SH2D4A: variants seen among roughly 807,000 people sequenced by gnomAD.
SH2D4A encodes the protein SH2 domain-containing protein 4A.
A neutral mutation model predicts 64.7 loss-of-function variants in SH2D4A; 70 were observed. The observed-to-expected ratio is 1.08, with a 90% CI of 0.89 to 1.32. The LOEUF is 1.32. Ranked by LOEUF, SH2D4A falls within the 40% of genes most tolerant of loss-of-function variation. SH2D4A has a pLI of 0.00. For synonymous variants in SH2D4A, 268 were observed against 200.7 expected (o/e 1.34, Z -2.83); for missense variants, 706 against 540.1 (o/e 1.31, Z -3.04).
chr8:19,333,712 G>A, intron 3 of SH2D4A, among the ~76,000 whole-genome samples: 1 of 152,150 alleles, frequency 6.6e-6, no homozygotes, highest in East Asian at 1.9e-4. Flanking sequence ...GCTGTGATTT[G>A]TGCTATAATT....
chr8:19,329,148 C>T (rs1243914793), intron 2 of SH2D4A, among the ~76,000 whole-genome samples: 5 of 152,146 alleles, frequency 3.3e-5, no homozygotes, highest in South Asian at 2.1e-4. Context: ...TTGCATCCAG[C>T]GTCAAACACA....
At chr8:19,382,823 C>CTTTTT (rs1159245319) in intron 8 of SH2D4A, among the ~76,000 whole-genome samples, 97 of 64,624 alleles carry the variant, frequency 1.5e-3, no homozygotes, top group Middle Eastern at 0.028. Flanking sequence ...TTTTAAGATT[C>CTTTTT]TTTTTTTTTT....
Position 19,351,446 on chromosome 8 carries a change from A to G in SH2D4A, c.514-5757A>G, listed in dbSNP as rs562923489. The stretch of plus-strand genomic sequence containing the variant: ...GTGAAACCCCGTCTCTATTAAAAAT[A>G]CAAAAAATTAGCCAGGCGTGCTGGC... On this transcript the variant is annotated intron_variant, in intron 4 of 9. Transcript: ENST00000265807. Among the ~76,000 whole-genome samples the G allele has an allele frequency of 3.3e-5, 5 of 152,208 alleles. No homozygotes were observed. The South Asian group carries it at 1.0e-3, about 32-fold the overall frequency.
At chr8:19,334,342 G>C (rs1411819698) in intron 3 of SH2D4A, among the ~76,000 whole-genome samples, 2 of 148,968 alleles carry the variant, frequency 1.3e-5, no homozygotes, top group African/African-American at 5.0e-5. Context: ...TTTAATCATC[G>C]ATTGGAAGCA....
chr8:19,320,764 G>C (rs1390758729), intron 2 of SH2D4A, among the ~76,000 whole-genome samples: 1 of 152,122 alleles, frequency 6.6e-6, no homozygotes, highest in African/African-American at 2.4e-5. Context: ...TCTGTCATGG[G>C]TGAATACCAA....
chr8:19,318,632 A>T (rs1167937954), intron 1 of SH2D4A, among the ~76,000 whole-genome samples: 1 of 152,224 alleles, frequency 6.6e-6, no homozygotes, highest in East Asian at 1.9e-4. Context: ...TTTAGATTTT[A>T]TTAAACTAGG....
intron 2 of SH2D4A, among the ~76,000 whole-genome samples, chr8:19,328,807 G>C (rs1284714007): frequency 3.9e-5 from 6 of 152,328 alleles, no homozygotes; most frequent in African/African-American, 1.4e-4. Context: ...TGTGAGGTAG[G>C]ACTTTCTTAC....
intron 4 of SH2D4A, among the ~76,000 whole-genome samples, chr8:19,345,363 G>A (rs1404810815): frequency 6.6e-6 from 1 of 152,222 alleles, no homozygotes; most frequent in Non-Finnish European, 1.5e-5. Flanking sequence ...CTCGATGCCT[G>A]TACAACAGAA....
At chr8:19,364,746 G>A (rs375806105) in intron 7 of SH2D4A, among the ~76,000 whole-genome samples, 153 of 152,304 alleles carry the variant, frequency 1.0e-3, no homozygotes, top group African/African-American at 3.5e-3. Context: ...CATTTTCACT[G>A]CCAAGGATTA....
rs780509065 is a variant in SH2D4A at position 19,361,264 on chromosome 8, C to T, written c.656C>T (p.Thr219Met). ...ATAAATCAAATAGAAGAAGAGAGAA[C>T]GAAGCAGATTTGTAAGAGCTGGAAA... ...EEINQIEEER[T>M]KQICKSWKED... Residue 219 changes from threonine to methionine, a missense_variant, in exon 6 of 10, where the codon ACG becomes ATG. Coordinates refer to ENST00000265807, the MANE Select transcript of SH2D4A (RefSeq NM_022071.4). The T allele has an allele frequency of 4.0e-5, 65 of 1,611,212 alleles. No homozygotes were observed. The highest frequency in any genetic ancestry group is 1.2e-4 in the Admixed American group (7 of 59,726).
At chr8:19,394,441 A>G (rs2053551980) in intron 9 of SH2D4A, 109 bp from the exon 10 acceptor site, 3 of 703,862 alleles carry the variant, frequency 4.3e-6, no homozygotes, top group Admixed American at 5.6e-5. Flanking sequence ...ATAAACCACA[A>G]AAGCTTTGTG....
intron 1 of SH2D4A, 49 bp downstream of exon 1, chr8:19,313,872 G>C (rs1490942421): frequency 2.1e-6 from 3 of 1,402,604 alleles, no homozygotes; most frequent in South Asian, 3.0e-5. Flanking sequence ...TGCGTGGGGT[G>C]GGAGTAGGGG....
In SH2D4A at chr8:19,390,642, TA is replaced by T. The variant is rs542801787; in HGVS notation, c.1049-2675del. ...CAAAGCAAAAAAAGCAAAGACAAAC[TA>T]CCACTTGGATCATTCAAAGCCTAGG... On this transcript the variant is annotated intron_variant, in intron 8 of 9. Coordinates refer to ENST00000265807, the MANE Select transcript of SH2D4A (RefSeq NM_022071.4). Among the ~76,000 whole-genome samples, 43 of 152,312 alleles carry T rather than the reference TA, an allele frequency of 2.8e-4. No homozygotes were observed. The South Asian group carries it at 5.0e-3, about 18-fold the overall frequency.
At chr8:19,314,533 C>T (rs2052053664) in intron 1 of SH2D4A, among the ~76,000 whole-genome samples, 1 of 152,170 alleles carries the variant, frequency 6.6e-6, no homozygotes, top group Admixed American at 6.5e-5. Flanking sequence ...ACTCGGGGGT[C>T]ACGCGGGCAC....
intron 7 of SH2D4A, 108 bp from the exon 8 acceptor site, chr8:19,373,422 G>T: frequency 1.2e-5 from 8 of 645,634 alleles, no homozygotes; most frequent in East Asian, 3.2e-5. Flanking sequence ...GTATATATAT[G>T]CATGTATATG....
intron 4 of SH2D4A, among the ~76,000 whole-genome samples, chr8:19,340,107 C>T (rs2052504524): frequency 6.6e-6 from 1 of 152,104 alleles, no homozygotes. Context: ...GGACATGGCC[C>T]CTAGGGCTGG....
rs543174480 is a variant in SH2D4A, at chr8:19,318,697, G to A, written c.-204-647G>A. Among the ~76,000 whole-genome samples, 7 of 152,314 alleles carry A rather than the reference G, an allele frequency of 4.6e-5. No homozygotes were observed. In the South Asian group the frequency reaches 8.3e-4, roughly 18 times the overall value. On this transcript the variant is annotated intron_variant, in intron 1 of 9. Transcript: ENST00000265807. ...GTGACCTTCCAGAATGTAGATGGAT[G>A]TTCTCTCTTGCACCTGCCCTGATTT...
At chr8:19,344,818 CTATGTAA>C (rs2052586819) in intron 4 of SH2D4A, among the ~76,000 whole-genome samples, 1 of 152,104 alleles carries the variant, frequency 6.6e-6, no homozygotes, top group African/African-American at 2.4e-5. Context: ...TGTGCATGTA[CTATGTAA>C]TATATAATGC....
chr8:19,395,624 G>A lies in SH2D4A; in HGVS notation c.*982G>A, dbSNP rs926260482. Reference sequence around the variant, plus strand: ...ACAAATGCAGTGGGAAGAAGACCAGGGGACAAGAGGCAAGTTGGAGTGATG... The same window carrying A: ...ACAAATGCAGTGGGAAGAAGACCAGAGGACAAGAGGCAAGTTGGAGTGATG... On this transcript the variant is annotated 3_prime_UTR_variant, in exon 10 of 10. Transcript: ENST00000265807. 4 of 152,236 alleles carry A rather than the reference G, an allele frequency of 2.6e-5. No homozygotes were observed. The highest frequency in any genetic ancestry group is 5.9e-5 in the Non-Finnish European group (4 of 68,132). The allele number at this position is 152,236 out of a possible 1,614,324, so 9.4% of individuals were successfully genotyped here.
Sources: gnomAD v4.1 joint callset for allele counts (sites outside exome capture counted in the v4.1 genomes callset) on GRCh38, gnomAD v4.1.1 for gene constraint, MANE v1.5 for transcripts, NCBI Gene and HGNC (gene_info 2026-07-23, HGNC 2026-07-21) for gene names.